Variants in WDR59 observed in about 807,000 individuals in gnomAD.
WDR59 encodes GATOR2 complex protein WDR59.
A neutral mutation model predicts 131.2 loss-of-function variants in WDR59; 100 were observed. The ratio of observed to expected loss-of-function variants is 0.76; its 90% CI spans 0.65 to 0.90. The LOEUF is 0.90. WDR59 is among the 40% of genes least tolerant of loss of function. The pLI, the probability that WDR59 is intolerant of heterozygous loss-of-function variation, is 0.00. For synonymous variants in WDR59, 601 were observed against 466.2 expected, an observed-to-expected ratio of 1.29 and a Z score of -3.72; for missense variants, 1,203 against 1,262.2, an observed-to-expected ratio of 0.95 and a Z score of 0.71.
intron 1 of WDR59, among the ~76,000 whole-genome samples, chr16:74,966,332 T>C (rs2033774292): frequency 6.6e-6 from 1 of 151,964 alleles, no homozygotes; most frequent in Admixed American, 6.6e-5. Flanking sequence ...ATACAAAAAT[T>C]AGCCCGGTGT....
chr16:74,975,258 G>A (rs1255468892), intron 1 of WDR59, among the ~76,000 whole-genome samples: 2 of 152,150 alleles, frequency 1.3e-5, no homozygotes, highest in African/African-American at 4.8e-5. Context: ...CTACTCGGGA[G>A]GCTGAGACAG....
intron 1 of WDR59, chr16:74,984,653 T>C: frequency 2.3e-6 from 1 of 435,964 alleles, no homozygotes; most frequent in Non-Finnish European, 4.2e-6. Context: ...ACGCCCTCGC[T>C]CCGTACCCTG....
intron 18 of WDR59, among the ~76,000 whole-genome samples, chr16:74,898,248 G>A (rs1033980086): frequency 2.3e-4 from 35 of 152,136 alleles, no homozygotes; most frequent in African/African-American, 8.2e-4. Flanking sequence ...ACTGGGGAAG[G>A]GCGCCATGGT....
In WDR59 at chr16:74,909,921, G is replaced by C. The variant is rs1966001405; in HGVS notation, c.1390-4C>G. On this transcript the variant is annotated splice_region_variant and splice_polypyrimidine_tract_variant and intron_variant, in intron 14 of 25. Coordinates refer to ENST00000262144, the MANE Select transcript of WDR59 (RefSeq NM_030581.4). The stretch of plus-strand genomic sequence containing the variant: ...GCAGGGCTGTGTCCTTCAGGATCTA[G>C]AAAAGGCCCAAAACACAGTCAAGAA... 3 of 1,603,400 alleles carry C rather than the reference G, an allele frequency of 1.9e-6. No homozygotes were observed. The South Asian group carries it at 3.3e-5, about 18-fold the overall frequency.
chr16:74,960,318 G>A (rs1295989554), intron 2 of WDR59, among the ~76,000 whole-genome samples: 2 of 151,204 alleles, frequency 1.3e-5, no homozygotes, highest in East Asian at 1.9e-4. Context: ...GCAACAGAGC[G>A]AAACTCCATC....
At position 74,907,631 on chromosome 16, in the gene WDR59, A is replaced by C. The variant is rs147925411; in HGVS notation, c.1712+1277T>G. Reference sequence around the variant, plus strand: ...GTGAGAACGGACTAATACAATGTCTATGCTGATTACACTGTATCCAGCGCC... The same window carrying C: ...GTGAGAACGGACTAATACAATGTCTCTGCTGATTACACTGTATCCAGCGCC... On this transcript the variant is annotated intron_variant, in intron 17 of 25. Coordinates refer to ENST00000262144, the MANE Select transcript of WDR59 (RefSeq NM_030581.4). 3.3e-5 allele frequency among the ~76,000 whole-genome samples: 5 copies of C among 152,318 alleles called. No individual in the cohort carries two copies. In the East Asian group the frequency reaches 9.6e-4, roughly 29 times the overall value.
At chr16:74,896,300 T>C (rs1297716356) in intron 18 of WDR59, among the ~76,000 whole-genome samples, 1 of 152,152 alleles carries the variant, frequency 6.6e-6, no homozygotes, top group Non-Finnish European at 1.5e-5. Context: ...AAGGCCTCAA[T>C]GAAGGATGAG....
intron 25 of WDR59, among the ~76,000 whole-genome samples, chr16:74,882,953 C>T (rs1279083562): frequency 1.3e-5 from 2 of 150,780 alleles, no homozygotes; most frequent in African/African-American, 4.9e-5. Context: ...CCACTGCCCA[C>T]CCCATCGCTC....
intron 2 of WDR59, among the ~76,000 whole-genome samples, chr16:74,960,102 G>A (rs1266252050): frequency 6.6e-6 from 1 of 151,952 alleles, no homozygotes; most frequent in African/African-American, 2.4e-5. Flanking sequence ...GGCCGAGGCG[G>A]GTAGACTGCC....
intron 1 of WDR59, among the ~76,000 whole-genome samples, chr16:74,967,943 C>T (rs559551102): frequency 8.6e-5 from 13 of 151,420 alleles, no homozygotes; most frequent in Non-Finnish European, 1.5e-4. Flanking sequence ...GTGGTACAGA[C>T]ATATAATGGA....
chr16:74,877,518 GCT>G (rs571361508), intron 25 of WDR59, among the ~76,000 whole-genome samples: 70 of 152,156 alleles, frequency 4.6e-4, no homozygotes, highest in African/African-American at 1.6e-3. Context: ...ATTATTTACT[GCT>G]CTGTTTATTT....
At chr16:74,949,547 C>A (rs942737966) in intron 5 of WDR59, among the ~76,000 whole-genome samples, 171 bp downstream of exon 5, 3 of 151,792 alleles carry the variant, frequency 2.0e-5, no homozygotes, top group African/African-American at 7.3e-5. Flanking sequence ...CTTCTCTATC[C>A]CCCTACAACT....
intron 18 of WDR59, among the ~76,000 whole-genome samples, chr16:74,901,838 T>C (rs1965568123): frequency 6.6e-6 from 1 of 151,638 alleles, no homozygotes; most frequent in Admixed American, 6.6e-5. Flanking sequence ...CCACGTAAGA[T>C]ATCATGGCCA....
At chr16:74,933,826 C>T (rs1400915325) in intron 8 of WDR59, among the ~76,000 whole-genome samples, 1 of 152,230 alleles carries the variant, frequency 6.6e-6, no homozygotes, top group Non-Finnish European at 1.5e-5. Context: ...CTCAGGCGAT[C>T]CACCCGCCTC....
At chr16:74,949,407 TGAAAATGAGGGA>T (rs1162728892) in intron 5 of WDR59, among the ~76,000 whole-genome samples, 1 of 50,446 alleles carries the variant, frequency 2.0e-5, no homozygotes, top group Non-Finnish European at 4.0e-5. Flanking sequence ...GGGGGAAGGG[TGAAAATGAGGGA>T]GGAAAGGAGG....
intron 1 of WDR59, among the ~76,000 whole-genome samples, chr16:74,979,446 A>G (rs902586344): frequency 3.7e-4 from 53 of 141,958 alleles, no homozygotes; most frequent in African/African-American, 1.3e-3. Flanking sequence ...AGCCTGGGCG[A>G]CAGAGTGAGA....
At chr16:74,928,262 G>C (rs2031050179) in intron 8 of WDR59, among the ~76,000 whole-genome samples, 1 of 143,406 alleles carries the variant, frequency 7.0e-6, no homozygotes, top group African/African-American at 2.6e-5. Flanking sequence ...AGCCCAGGCT[G>C]AAGTATAGTG....
chr16:74,911,788 G>A (rs1011361958), intron 14 of WDR59, among the ~76,000 whole-genome samples: 3 of 152,152 alleles, frequency 2.0e-5, no homozygotes, highest in African/African-American at 7.2e-5. Context: ...AAATTGGACT[G>A]CAGGGCTCCT....
chr16:74,916,219 A>G lies in WDR59; in HGVS notation c.1007T>C (p.Ile336Thr), dbSNP rs371268085. 8 of 1,613,992 alleles carry G rather than the reference A, an allele frequency of 5.0e-6. No homozygotes were observed. Among genetic ancestry groups the G allele is most frequent in the South Asian group, 1.1e-5 (1 of 91,090 alleles). The part of the protein sequence containing the change: ...NDILDGVDEF[I>T]ESISLLPEPE... ...TTCCGGCAGAAGGGAAATACTCTCAATGAACTCATCAACACCATCTAATAT... is the reference window on the plus strand; with the variant it reads ...TTCCGGCAGAAGGGAAATACTCTCAGTGAACTCATCAACACCATCTAATAT... Residue 336 changes from isoleucine (I) to threonine (T), a missense_variant, in exon 12 of 26, where the codon ATT becomes ACT. Transcript: ENST00000262144.
Sources: allele counts gnomAD v4.1 joint callset (sites outside exome capture counted in the v4.1 genomes callset), GRCh38; gene constraint gnomAD v4.1.1; transcripts MANE v1.5; gene names NCBI Gene and HGNC (gene_info 2026-07-23, HGNC 2026-07-21).